USH2A: variants seen among roughly 807,000 people sequenced by gnomAD.
USH2A encodes Usher syndrome 2A (autosomal recessive, mild).
USH2A carries 443 observed loss-of-function variants against 538.9 expected under a neutral mutation model. The ratio of observed to expected loss-of-function variants is 0.82; its 90% CI spans 0.76 to 0.89. USH2A has a LOEUF of 0.89. USH2A is among the 40% of genes least tolerant of loss of function. USH2A has a pLI of 0.00. For synonymous variants in USH2A, 2,413 were observed against 2,273.5 expected (o/e 1.06, Z -1.75); for missense variants, 6,633 against 6,324.8 (o/e 1.05, Z -1.65).
chr1:216,153,444 C>T (rs2033878834), intron 21 of USH2A, among the ~76,000 whole-genome samples: 1 of 152,178 alleles, frequency 6.6e-6, no homozygotes, highest in Non-Finnish European at 1.5e-5. Flanking sequence ...ACCTCTGTCA[C>T]ATATCCTGCA....
At chr1:215,798,785 T>C in intron 50 of USH2A, 122 bp downstream of exon 50, 1 of 1,088,780 alleles carries the variant, frequency 9.2e-7, no homozygotes, top group Non-Finnish European at 1.4e-6. Flanking sequence ...TTCCTAATTA[T>C]TGCATTAGAT....
At chr1:216,381,560 A>G (rs1489099454) in intron 3 of USH2A, among the ~76,000 whole-genome samples, 2 of 152,192 alleles carry the variant, frequency 1.3e-5, no homozygotes, top group Non-Finnish European at 2.9e-5. Context: ...ATTGCAATAT[A>G]CAAAGCAAAA....
chr1:215,953,269 G>C (rs959327332), intron 37 of USH2A, among the ~76,000 whole-genome samples: 1 of 152,138 alleles, frequency 6.6e-6, no homozygotes, highest in East Asian at 1.9e-4. Context: ...TCAATCCTAA[G>C]CCAAAAGAAC....
At chr1:215,852,637 G>A (rs1664047868) in intron 44 of USH2A, among the ~76,000 whole-genome samples, 1 of 152,180 alleles carries the variant, frequency 6.6e-6, no homozygotes, top group African/African-American at 2.4e-5. Context: ...AAAATCAAAA[G>A]CAAGTTAGTT....
At chr1:215,920,951 G>A (rs1558162367) in intron 38 of USH2A, among the ~76,000 whole-genome samples, 1 of 151,946 alleles carries the variant, frequency 6.6e-6, no homozygotes, top group East Asian at 1.9e-4. Flanking sequence ...CTTATTTCTA[G>A]AATATTCCAC....
intron 37 of USH2A, among the ~76,000 whole-genome samples, chr1:215,950,195 T>A (rs76867257): frequency 6.6e-6 from 1 of 152,162 alleles, no homozygotes; most frequent in Non-Finnish European, 1.5e-5. Context: ...TAGAAGTATG[T>A]GTTAACAATA....
chr1:216,103,527 T>G (rs2032644024), intron 21 of USH2A, among the ~76,000 whole-genome samples: 2 of 152,108 alleles, frequency 1.3e-5, no homozygotes, highest in African/African-American at 2.4e-5. Flanking sequence ...ACTAATACAT[T>G]TCAGCTGATG....
intron 32 of USH2A, among the ~76,000 whole-genome samples, chr1:216,041,455 GC>G (rs1030724873): frequency 1.3e-5 from 2 of 152,082 alleles, no homozygotes; most frequent in African/African-American, 2.4e-5. Flanking sequence ...CTTTGCTTGT[GC>G]CCCCCATGGC....
intron 56 of USH2A, among the ~76,000 whole-genome samples, chr1:215,764,928 T>A (rs1661087028): frequency 6.6e-6 from 1 of 152,014 alleles, no homozygotes; most frequent in Admixed American, 6.6e-5. Flanking sequence ...CCATTTCATC[T>A]ATTATTTCTT....
At chr1:216,248,678 A>G (rs967573673) in intron 12 of USH2A, among the ~76,000 whole-genome samples, 3 of 152,140 alleles carry the variant, frequency 2.0e-5, no homozygotes, top group African/African-American at 7.2e-5. Context: ...TGCAAATTTT[A>G]AAAATAACTG....
At chr1:216,228,711 T>C (rs1471707608) in intron 14 of USH2A, among the ~76,000 whole-genome samples, 1 of 152,132 alleles carries the variant, frequency 6.6e-6, no homozygotes, top group Non-Finnish European at 1.5e-5. Flanking sequence ...GTCTCAGGTA[T>C]GTCTTTATCA....
chr1:216,163,176 C>T (rs9727187), intron 21 of USH2A, among the ~76,000 whole-genome samples: 2,905 of 151,730 alleles, frequency 0.019, 89 homozygotes, highest in African/African-American at 0.066. Context: ...TTGTTGCATA[C>T]GATATTAAGA....
At position 216,226,909 on chromosome 1, in the gene USH2A, T is replaced by C. The variant is rs187138504; in HGVS notation, c.2993+5044A>G. Among the ~76,000 whole-genome samples the C allele has an allele frequency of 2.4e-3, 370 of 152,298 alleles. 1 individual carries two copies. The highest frequency in any genetic ancestry group is 3.9e-3 in the Non-Finnish European group (264 of 68,026). ...GTCTTCTAGCTTACCTATCCAAACC[T>C]GGGTAGACTGTCTCTTCTCAGTTAG... is the stretch of plus-strand genomic sequence containing the variant. On this transcript the variant is annotated intron_variant, in intron 14 of 71. Coordinates refer to ENST00000307340, the MANE Select transcript of USH2A (RefSeq NM_206933.4).
Position 215,639,183 on chromosome 1 carries a change from C to T in USH2A, c.15024G>A (p.Leu5008=). Residue 5008 remains leucine (L), a synonymous_variant, in exon 69 of 72, where the codon TTG becomes TTA. Transcript: ENST00000307340. ...TTDEGSVKTP[L]IQYDTSTGLG... Reference sequence around the variant, plus strand: ...GTCCAGTAGAGGTATCATATTGGATCAACGGCGTCTTAACACTTCCTTCGT... The same window carrying T: ...GTCCAGTAGAGGTATCATATTGGATTAACGGCGTCTTAACACTTCCTTCGT... 1 of 1,614,060 alleles carries T rather than the reference C, an allele frequency of 6.2e-7. No individual in the cohort carries two copies. The highest frequency in any genetic ancestry group is 8.5e-7 in the Non-Finnish European group (1 of 1,179,996).
At chr1:216,010,459 A>C (rs1454702934) in intron 32 of USH2A, among the ~76,000 whole-genome samples, 1 of 151,980 alleles carries the variant, frequency 6.6e-6, no homozygotes, top group East Asian at 1.9e-4. Flanking sequence ...TTCTCGGCTT[A>C]GTGGCTGAAG....
chr1:216,148,044 C>A (rs1308002067), intron 21 of USH2A, among the ~76,000 whole-genome samples: 1 of 150,610 alleles, frequency 6.6e-6, no homozygotes, highest in African/African-American at 2.4e-5. Context: ...GCCTCGGAAG[C>A]CCCCTAGACC....
intron 35 of USH2A, among the ~76,000 whole-genome samples, chr1:215,990,893 C>T (rs552804476): frequency 4.0e-5 from 6 of 151,216 alleles, no homozygotes; most frequent in African/African-American, 1.5e-4. Context: ...TCCTGAGTAG[C>T]TGGGACTACA....
intron 11 of USH2A, among the ~76,000 whole-genome samples, chr1:216,273,563 G>A (rs1476918384): frequency 1.3e-5 from 2 of 151,968 alleles, no homozygotes; most frequent in Non-Finnish European, 1.5e-5. Context: ...TGAACACTTC[G>A]TGAGTGTTTC....
At chr1:216,385,087 G>T (rs144509689) in intron 3 of USH2A, among the ~76,000 whole-genome samples, 46 of 152,262 alleles carry the variant, frequency 3.0e-4, no homozygotes, top group African/African-American at 1.1e-3. Context: ...TTGATGCAAG[G>T]TTTGCAAAAA....
Sources: gnomAD v4.1 joint callset for allele counts (sites outside exome capture counted in the v4.1 genomes callset) on GRCh38, gnomAD v4.1.1 for gene constraint, MANE v1.5 for transcripts, NCBI Gene and HGNC (gene_info 2026-07-23, HGNC 2026-07-21) for gene names.